Variants in TEX14 observed in about 807,000 individuals in gnomAD.
TEX14 encodes inactive serine/threonine-protein kinase TEX14.
Under a neutral mutation model 178.6 loss-of-function variants are expected in TEX14, and 168 were observed. The ratio of observed to expected loss-of-function variants is 0.94; its 90% CI spans 0.83 to 1.07. The LOEUF is 1.07. TEX14 is among the 50% of genes least tolerant of loss of function. TEX14 has a pLI of 0.00. For missense variants in TEX14, 1,730 were observed against 1,753.6 expected (o/e 0.99, Z 0.24); for synonymous variants, 626 against 634.1 (o/e 0.99, Z 0.19).
At chr17:58,642,535 TA>T (rs200465138) in intron 2 of TEX14, among the ~76,000 whole-genome samples, 40 of 151,750 alleles carry the variant, frequency 2.6e-4, no homozygotes, top group East Asian at 1.4e-3. Context: ...TTATTTTATT[TA>T]TTTTTTTTTT....
rs1235305097 is a variant in TEX14, at chr17:58,662,413, TCTCA to T, written c.-1-10415_-1-10412del. Among the ~76,000 whole-genome samples the T allele has an allele frequency of 2.5e-3, 316 of 127,736 alleles. 2 individuals are homozygous for T. The highest frequency in any genetic ancestry group is 7.7e-3 in the African/African-American group (234 of 30,588). The allele number at this position is 127,736 out of a possible 152,430, so 83.8% of individuals were successfully genotyped here. A position where few individuals can be genotyped will look rare whatever the true frequency, so the allele number is the denominator to read the frequency against. On this transcript the variant is annotated intron_variant, in intron 1 of 31. Transcript: ENST00000349033. Reference sequence around the variant, plus strand: ...TGTGTACAGATATATAGCACACATATCTCACACACACACACACACACACACACAC... The same window carrying T: ...TGTGTACAGATATATAGCACACATATCACACACACACACACACACACACAC...
intron 2 of TEX14, chr17:58,631,242 A>C (rs955117910): frequency 1.9e-6 from 1 of 539,362 alleles, no homozygotes; most frequent in Non-Finnish European, 2.4e-6. Flanking sequence ...CGGGTAGATC[A>C]CTTGAGGCCA....
intron 3 of TEX14, 112 bp from the exon 4 acceptor site, chr17:58,623,124 G>T: frequency 1.1e-6 from 1 of 911,142 alleles, no homozygotes; most frequent in Non-Finnish European, 1.6e-6. Flanking sequence ...CGTTGGTGAC[G>T]AGGAATATAA....
chr17:58,573,192 G>A lies in TEX14; in HGVS notation c.3500C>T (p.Pro1167Leu). 6.2e-7 allele frequency: 1 copy of A among 1,614,060 alleles called. No individual in the cohort carries two copies. Residue 1167 changes from proline to leucine, a missense_variant, in exon 23 of 32, where the codon CCA (proline) becomes CTA (leucine). Coordinates refer to ENST00000349033, the MANE Select transcript of TEX14 (RefSeq NM_031272.5). The stretch of plus-strand genomic sequence containing the variant: ...TTCCCTGTGATTACCTGGGCTGAGT[G>A]GAGTGCTGACACTGGTAGGTGCATG... ...INHAPTSVST[P>L]LSPGSVSSAA...
intron 1 of TEX14, among the ~76,000 whole-genome samples, chr17:58,658,112 C>T (rs1446821624): frequency 6.6e-6 from 1 of 152,184 alleles, no homozygotes; most frequent in Non-Finnish European, 1.5e-5. Context: ...ACTGGCTTCC[C>T]TTTACTCACC....
chr17:58,571,235 C>CTTTTTTTTTT (rs11456555), intron 24 of TEX14, among the ~76,000 whole-genome samples: 1 of 127,262 alleles, frequency 7.9e-6, no homozygotes, highest in Non-Finnish European at 1.6e-5. Flanking sequence ...CTTTTCTTTT[C>CTTTTTTTTTT]TTTTTTTTTT....
At chr17:58,561,667 G>A in intron 28 of TEX14, 55 bp from the exon 29 acceptor site, 1 of 1,185,980 alleles carries the variant, frequency 8.4e-7, no homozygotes, top group Non-Finnish European at 1.3e-6. Flanking sequence ...CATCCCCCTT[G>A]ACAAAGATGC....
At chr17:58,685,450 A>T (rs1371834967) in intron 1 of TEX14, among the ~76,000 whole-genome samples, 1 of 151,618 alleles carries the variant, frequency 6.6e-6, no homozygotes. Context: ...AAAAAAAAAA[A>T]GAATGTCAGA....
intron 2 of TEX14, among the ~76,000 whole-genome samples, 161 bp from the exon 3 acceptor site, chr17:58,630,715 T>C (rs956370498): frequency 6.6e-6 from 1 of 152,162 alleles, no homozygotes; most frequent in African/African-American, 2.4e-5. Context: ...TAGTAGCACA[T>C]AGATATACTG....
intron 1 of TEX14, among the ~76,000 whole-genome samples, chr17:58,674,536 G>C (rs773037585): frequency 6.6e-6 from 1 of 150,868 alleles, no homozygotes; most frequent in African/African-American, 2.4e-5. Context: ...TGAGCATGGT[G>C]GCTCAGGCCT....
chr17:58,611,277 AT>A lies in TEX14; in HGVS notation c.1067del (p.Asp356ValfsTer3). Reference sequence around the variant, plus strand: ...CCTGGAAATGCAGGTATCTCAGGGCATCAGATATCTGGAGCAGCAGGTGCAC... The same window carrying A: ...CCTGGAAATGCAGGTATCTCAGGGCACAGATATCTGGAGCAGCAGGTGCAC... ...VIVHLLLQIS[D>X]ALRYLHFQGF... On this transcript the variant is annotated frameshift_variant, in exon 10 of 32. Transcript: ENST00000349033. LOFTEE classifies it high-confidence loss of function. 6.2e-7 allele frequency: 1 copy of A among 1,610,602 alleles called. No homozygotes were observed. Among genetic ancestry groups the A allele is most frequent in the Non-Finnish European group, 8.5e-7 (1 of 1,176,824 alleles).
chr17:58,633,540 T>C (rs1215899318), intron 2 of TEX14, among the ~76,000 whole-genome samples: 2 of 152,118 alleles, frequency 1.3e-5, no homozygotes, highest in African/African-American at 2.4e-5. Context: ...CATCTTGAGG[T>C]AAGCTAGGGC....
At chr17:58,677,276 A>G (rs1304161378) in intron 1 of TEX14, among the ~76,000 whole-genome samples, 1 of 152,142 alleles carries the variant, frequency 6.6e-6, no homozygotes, top group Non-Finnish European at 1.5e-5. Context: ...CAAGAGCAAG[A>G]CCCTGTCTCT....
chr17:58,562,956 C>T (rs1408859660), intron 28 of TEX14, among the ~76,000 whole-genome samples: 2 of 151,892 alleles, frequency 1.3e-5, no homozygotes. Context: ...CCTATAGACC[C>T]AACTACTTGG....
intron 1 of TEX14, among the ~76,000 whole-genome samples, chr17:58,664,852 CT>C (rs2047179340): frequency 6.6e-6 from 1 of 152,144 alleles, no homozygotes; most frequent in African/African-American, 2.4e-5. Flanking sequence ...AGAAGTGCCC[CT>C]AGGCAGTGTG....
intron 1 of TEX14, among the ~76,000 whole-genome samples, chr17:58,688,510 T>C (rs1243602168): frequency 6.6e-6 from 1 of 152,208 alleles, no homozygotes; most frequent in Non-Finnish European, 1.5e-5. Flanking sequence ...AATATGCGCA[T>C]TAGAATGCTG....
At chr17:58,667,345 T>C (rs1413971491) in intron 1 of TEX14, among the ~76,000 whole-genome samples, 2 of 152,182 alleles carry the variant, frequency 1.3e-5, no homozygotes, top group African/African-American at 4.8e-5. Flanking sequence ...AAACCTGCAT[T>C]ACTGTCCTTG....
At chr17:58,584,708 A>G (rs568227844) in intron 18 of TEX14, 108 bp from the exon 19 acceptor site, 2 of 892,844 alleles carry the variant, frequency 2.2e-6, no homozygotes, top group African/African-American at 3.3e-5. Flanking sequence ...TTCTGCCAAG[A>G]GTGGCCATGT....
At chr17:58,615,834 A>G (rs1178104578) in intron 7 of TEX14, among the ~76,000 whole-genome samples, 1 of 152,238 alleles carries the variant, frequency 6.6e-6, no homozygotes, top group Non-Finnish European at 1.5e-5. Flanking sequence ...TGTAATGAGT[A>G]ATCTTTCAGA....
Sources: allele counts gnomAD v4.1 joint callset (sites outside exome capture counted in the v4.1 genomes callset), GRCh38; gene constraint gnomAD v4.1.1; transcripts MANE v1.5; gene names NCBI Gene and HGNC (gene_info 2026-07-23, HGNC 2026-07-21).